The following KCNQ5 variants were observed in gnomAD, a reference collection of about 807,000 sequenced individuals.
KCNQ5 encodes the protein potassium voltage-gated channel subfamily KQT member 5.
Under a neutral mutation model 98.2 loss-of-function variants are expected in KCNQ5, and 30 were observed. The ratio of observed to expected loss-of-function variants is 0.31; its 90% CI spans 0.23 to 0.41. The LOEUF is 0.41. KCNQ5 is among the 10% of genes least tolerant of loss of function. The pLI, the probability that KCNQ5 is intolerant of heterozygous loss-of-function variation, is 1.00. For synonymous variants in KCNQ5, 458 were observed against 449.4 expected (o/e 1.02, Z -0.24); for missense variants, 835 against 1,182.5 (o/e 0.71, Z 4.31).
At chr6:72,666,097 C>T (rs144380781) in intron 1 of KCNQ5, among the ~76,000 whole-genome samples, 17 of 152,176 alleles carry the variant, frequency 1.1e-4, no homozygotes, top group Non-Finnish European at 1.5e-5. Flanking sequence ...ATAGCTTCTC[C>T]GTATAATTGC....
At chr6:72,708,777 A>C (rs1057430135) in intron 1 of KCNQ5, among the ~76,000 whole-genome samples, 2 of 152,048 alleles carry the variant, frequency 1.3e-5, no homozygotes, top group Non-Finnish European at 2.9e-5. Flanking sequence ...TCGCCTTCTA[A>C]AGTGCTGGAA....
chr6:72,885,782 A>G (rs1778822555), intron 1 of KCNQ5, among the ~76,000 whole-genome samples: 1 of 152,194 alleles, frequency 6.6e-6, no homozygotes, highest in South Asian at 2.1e-4. Flanking sequence ...AGCTGGTAAG[A>G]GGGTCCCAAG....
intron 1 of KCNQ5, among the ~76,000 whole-genome samples, chr6:72,750,856 AG>A (rs1771643148): frequency 6.6e-6 from 1 of 152,126 alleles, no homozygotes; most frequent in Non-Finnish European, 1.5e-5. Flanking sequence ...GACCTTAAAA[AG>A]GATTTTTATT....
chr6:73,094,682 G>C (rs10805970), intron 5 of KCNQ5, among the ~76,000 whole-genome samples: 132,927 of 152,144 alleles, frequency 0.87, 58,742 homozygotes, highest in South Asian at 0.96. Flanking sequence ...ATATATGAAG[G>C]ATAGTTTTGT....
At chr6:72,830,053 A>G (rs1776177606) in intron 1 of KCNQ5, among the ~76,000 whole-genome samples, 1 of 152,196 alleles carries the variant, frequency 6.6e-6, no homozygotes, top group Non-Finnish European at 1.5e-5. Flanking sequence ...TTCAAGGAGA[A>G]CTACAAACCA....
chr6:73,005,962 T>G (rs938019589), intron 2 of KCNQ5, among the ~76,000 whole-genome samples: 1 of 152,186 alleles, frequency 6.6e-6, no homozygotes, highest in Non-Finnish European at 1.5e-5. Flanking sequence ...ATGAAATTCT[T>G]CACCAATGTT....
chr6:72,979,421 A>G (rs1026266403), intron 1 of KCNQ5, among the ~76,000 whole-genome samples: 32 of 152,298 alleles, frequency 2.1e-4, no homozygotes, highest in Non-Finnish European at 4.1e-4. Flanking sequence ...TTCTTTGATG[A>G]CCAGTGATGA....
intron 1 of KCNQ5, among the ~76,000 whole-genome samples, chr6:72,872,861 G>A (rs949665912): frequency 7.9e-5 from 12 of 151,986 alleles, no homozygotes; most frequent in South Asian, 2.1e-4. Flanking sequence ...ATTGATGTCC[G>A]TATTTTACAT....
rs931874107 is a variant in KCNQ5, at chr6:73,114,488, T to C, written c.1125+3085T>C. Among the ~76,000 whole-genome samples the C allele has an allele frequency of 3.9e-5, 6 of 152,384 alleles. 1 individual carries two copies. On this transcript the variant is annotated intron_variant, in intron 7 of 13. Coordinates refer to ENST00000370398, the MANE Select transcript of KCNQ5 (RefSeq NM_019842.4). ...TAGCTGTGTCAATATCTTTGCATGA[T>C]TCTTTTAAATTTGCTTTTCATTTCA...
intron 1 of KCNQ5, among the ~76,000 whole-genome samples, chr6:72,900,036 C>A (rs1779421818): frequency 6.6e-6 from 1 of 152,118 alleles, no homozygotes; most frequent in Admixed American, 6.6e-5. Context: ...TGGGGTTTCA[C>A]CATGTTGGTC....
chr6:72,896,301 CTTTGCATG>C (rs1389606982), intron 1 of KCNQ5, among the ~76,000 whole-genome samples: 1 of 152,030 alleles, frequency 6.6e-6, no homozygotes, highest in African/African-American at 2.4e-5. Flanking sequence ...CAAGTTTTAA[CTTTGCATG>C]TTGACTGTAC....
rs186731733 is a variant in KCNQ5 at position 72,983,040 on chromosome 6, G to A, written c.399-20868G>A. On this transcript the variant is annotated intron_variant, in intron 1 of 13. Transcript: ENST00000370398. ...TTGTTGAGTTTCTGCCGAGAGATCC[G>A]CTGTTAGTCTGATGGGCTTCCCTTT... Among the ~76,000 whole-genome samples the A allele has an allele frequency of 1.3e-3, 194 of 152,272 alleles. No homozygotes were observed. The Middle Eastern group carries it at 0.014, about 11-fold the overall frequency.
intron 1 of KCNQ5, chr6:72,986,720 G>C (rs1471627851): frequency 1.4e-6 from 2 of 1,392,440 alleles, no homozygotes; most frequent in Non-Finnish European, 2.0e-6. Flanking sequence ...GTCACCTCCA[G>C]CCATGTCCCA....
At position 72,730,672 on chromosome 6, in the gene KCNQ5, A is replaced by G. The variant is rs562312633; in HGVS notation, c.398+108085A>G. Reference sequence around the variant, plus strand: ...TTTATATTTTGCTTCTTAAATTTACATCTCTATTCATGCAGTAGCTTCATA... The same window carrying G: ...TTTATATTTTGCTTCTTAAATTTACGTCTCTATTCATGCAGTAGCTTCATA... On this transcript the variant is annotated intron_variant, in intron 1 of 13. Coordinates refer to ENST00000370398, the MANE Select transcript of KCNQ5 (RefSeq NM_019842.4). Among the ~76,000 whole-genome samples, 10 of 152,258 alleles carry G rather than the reference A, an allele frequency of 6.6e-5. No individual in the cohort carries two copies. In the East Asian group the frequency reaches 1.9e-3, roughly 29 times the overall value.
chr6:72,645,811 G>A (rs950385021), intron 1 of KCNQ5, among the ~76,000 whole-genome samples: 9 of 152,150 alleles, frequency 5.9e-5, no homozygotes, highest in African/African-American at 2.2e-4. Context: ...TAATTTAGAA[G>A]ATTGGAAAAG....
At chr6:73,113,906 G>A (rs1412423453) in intron 7 of KCNQ5, among the ~76,000 whole-genome samples, 3 of 152,150 alleles carry the variant, frequency 2.0e-5, no homozygotes, top group East Asian at 1.9e-4. Context: ...AAGTAAAATC[G>A]TGAGTTTTTA....
At chr6:73,056,946 A>G (rs1229604901) in intron 3 of KCNQ5, among the ~76,000 whole-genome samples, 1 of 152,192 alleles carries the variant, frequency 6.6e-6, no homozygotes, top group African/African-American at 2.4e-5. Context: ...TAGAACTAGA[A>G]ATACCATTTG....
At chr6:72,653,396 T>C (rs113235414) in intron 1 of KCNQ5, among the ~76,000 whole-genome samples, 2,009 of 152,174 alleles carry the variant, frequency 0.013, 34 homozygotes, top group African/African-American at 0.042. Context: ...ATTTGTTGCA[T>C]AGATGTAAAT....
intron 1 of KCNQ5, among the ~76,000 whole-genome samples, chr6:72,722,352 T>A (rs879906696): frequency 5.3e-5 from 8 of 152,210 alleles, no homozygotes; most frequent in Non-Finnish European, 1.5e-5. Context: ...AGCCAAGAGT[T>A]ATTTCCCCTT....
Sources: gnomAD v4.1 joint callset for allele counts (sites outside exome capture counted in the v4.1 genomes callset) on GRCh38, gnomAD v4.1.1 for gene constraint, MANE v1.5 for transcripts, NCBI Gene and HGNC (gene_info 2026-07-23, HGNC 2026-07-21) for gene names.